TMEM132D: variants seen among roughly 807,000 people sequenced by gnomAD.
TMEM132D encodes the protein transmembrane protein 132D, also known as mature OL transmembrane protein.
TMEM132D carries 21 observed loss-of-function variants against 62.3 expected under a neutral mutation model. The ratio of observed to expected loss-of-function variants is 0.34; its 90% confidence interval spans 0.24 to 0.49. The LOEUF (loss-of-function observed/expected upper bound fraction) is 0.49. Ranked by LOEUF, TMEM132D falls within the 20% of genes least tolerant of loss-of-function variation. TMEM132D has a pLI of 0.99. For missense variants in TMEM132D, 1,346 were observed against 1,402.8 expected (o/e 0.96, Z 0.65); for synonymous variants, 621 against 575.6 (o/e 1.08, Z -1.13).
At chr12:129,460,409 C>T (rs1873624572) in intron 3 of TMEM132D, among the ~76,000 whole-genome samples, 1 of 152,136 alleles carries the variant, frequency 6.6e-6, no homozygotes, top group Admixed American at 6.5e-5. Flanking sequence ...GGAAGGGATT[C>T]CTGCATAGGA....
intron 2 of TMEM132D, among the ~76,000 whole-genome samples, chr12:129,573,388 T>G (rs1182439383): frequency 6.6e-6 from 1 of 152,200 alleles, no homozygotes; most frequent in Non-Finnish European, 1.5e-5. Context: ...ACAGCATTCA[T>G]CCGTGCTTAT....
intron 1 of TMEM132D, among the ~76,000 whole-genome samples, chr12:129,798,100 C>A (rs899173554): frequency 1.3e-5 from 2 of 152,208 alleles, no homozygotes; most frequent in Non-Finnish European, 2.9e-5. Context: ...ATGTGATGTA[C>A]TGGCTTCCCA....
At chr12:129,585,835 G>GTA (rs1358715199) in intron 2 of TMEM132D, among the ~76,000 whole-genome samples, 5 of 151,478 alleles carry the variant, frequency 3.3e-5, no homozygotes, top group Non-Finnish European at 7.4e-5. Context: ...GTGTGTGTGT[G>GTA]TGTGTCTGTG....
At chr12:129,444,684 A>G (rs1873042953) in intron 3 of TMEM132D, among the ~76,000 whole-genome samples, 1 of 152,094 alleles carries the variant, frequency 6.6e-6, no homozygotes, top group Non-Finnish European at 1.5e-5. Context: ...ATGAACAGAC[A>G]CTTTTCCAAA....
chr12:129,515,475 A>T (rs1326952995), intron 3 of TMEM132D, among the ~76,000 whole-genome samples: 1 of 152,140 alleles, frequency 6.6e-6, no homozygotes, highest in Non-Finnish European at 1.5e-5. Flanking sequence ...CTATTACTGA[A>T]TGTGGTCATG....
At chr12:129,727,608 G>T (rs1170315792) in intron 1 of TMEM132D, among the ~76,000 whole-genome samples, 1 of 152,148 alleles carries the variant, frequency 6.6e-6, no homozygotes, top group Non-Finnish European at 1.5e-5. Flanking sequence ...GGGCAAGAGG[G>T]AGAGCTGGAA....
At chr12:129,835,494 T>C (rs1872977109) in intron 1 of TMEM132D, among the ~76,000 whole-genome samples, 1 of 152,136 alleles carries the variant, frequency 6.6e-6, no homozygotes, top group Non-Finnish European at 1.5e-5. Flanking sequence ...TTTCACCATG[T>C]TGTCCAGGCT....
chr12:129,132,082 T>C (rs1565974035), intron 5 of TMEM132D, among the ~76,000 whole-genome samples: 2 of 152,210 alleles, frequency 1.3e-5, no homozygotes, highest in Admixed American at 6.5e-5. Context: ...CTCACTGTTT[T>C]TTTATTTGCA....
At chr12:129,173,420 G>C (rs768220584) in intron 5 of TMEM132D, among the ~76,000 whole-genome samples, 33 of 152,124 alleles carry the variant, frequency 2.2e-4, no homozygotes, top group Non-Finnish European at 4.9e-4. Flanking sequence ...CTAATGATAG[G>C]TTATTTCTCA....
At chr12:129,108,850 C>T (rs1875587544) in intron 5 of TMEM132D, among the ~76,000 whole-genome samples, 1 of 152,160 alleles carries the variant, frequency 6.6e-6, no homozygotes, top group Non-Finnish European at 1.5e-5. Context: ...ATACCCAATG[C>T]CTCGCTTCCG....
In TMEM132D at chr12:129,081,995, G is replaced by A. The variant is rs780219290; in HGVS notation, c.1687C>T (p.Arg563Trp). The change falls in exon 7 of 9, where the codon CGG becomes TGG. Residue 563 changes from arginine (R) to tryptophan (W), a missense_variant. Transcript: ENST00000422113. ...TGCAGGGTGCAGCCGCGGCCCCTCC[G>A]CTCATCATCCTCCTCCTCTTCACTG... ...GDSEEEEDDE[R>W]RGRGCTLQYQ... 4.3e-6 allele frequency: 7 copies of A among 1,612,252 alleles called. No homozygotes were observed. The highest frequency in any genetic ancestry group is 1.3e-5 in the African/African-American group (1 of 75,018).
intron 5 of TMEM132D, among the ~76,000 whole-genome samples, chr12:129,140,576 T>C (rs1032798919): frequency 1.3e-5 from 2 of 152,212 alleles, no homozygotes; most frequent in Non-Finnish European, 1.5e-5. Context: ...TGGTGGCTCC[T>C]GCCTGTAATC....
At chr12:129,409,807 A>G (rs1265368108) in intron 3 of TMEM132D, among the ~76,000 whole-genome samples, 26 of 152,170 alleles carry the variant, frequency 1.7e-4, no homozygotes, top group Admixed American at 1.7e-3. Flanking sequence ...GAGCGTAAAT[A>G]CCTCTGATCT....
intron 3 of TMEM132D, among the ~76,000 whole-genome samples, chr12:129,356,720 C>T (rs964038623): frequency 6.7e-5 from 10 of 150,260 alleles, no homozygotes; most frequent in Middle Eastern, 3.5e-3. Flanking sequence ...CAAAAATTAG[C>T]CAGGCATGGT....
chr12:129,609,440 T>C (rs543315480), intron 2 of TMEM132D, among the ~76,000 whole-genome samples: 34 of 152,200 alleles, frequency 2.2e-4, no homozygotes, highest in Non-Finnish European at 1.9e-4. Context: ...CGTGGCATGG[T>C]TGGCATCCCA....
chr12:129,093,154 A>G (rs1449183572), intron 5 of TMEM132D, among the ~76,000 whole-genome samples: 2 of 152,210 alleles, frequency 1.3e-5, no homozygotes, highest in Non-Finnish European at 2.9e-5. Flanking sequence ...CATGCCACAG[A>G]TGGGCTTCGG....
chr12:129,197,496 G>T (rs535117195), intron 5 of TMEM132D, among the ~76,000 whole-genome samples: 1 of 152,324 alleles, frequency 6.6e-6, no homozygotes, highest in East Asian at 1.9e-4. Flanking sequence ...ATCCATGCTT[G>T]TAAAGTCCAT....
intron 1 of TMEM132D, among the ~76,000 whole-genome samples, chr12:129,742,124 A>G (rs937159287): frequency 7.9e-5 from 12 of 152,226 alleles, no homozygotes; most frequent in Admixed American, 7.2e-4. Context: ...ATGGCTTCCA[A>G]TGAAACGAGT....
intron 3 of TMEM132D, among the ~76,000 whole-genome samples, chr12:129,342,988 C>G (rs1869546922): frequency 6.6e-6 from 1 of 152,166 alleles, no homozygotes; most frequent in South Asian, 2.1e-4. Flanking sequence ...GGACGGTAAA[C>G]TAGTTCAACC....
Sources: allele counts gnomAD v4.1 joint callset (sites outside exome capture counted in the v4.1 genomes callset), GRCh38; gene constraint gnomAD v4.1.1; transcripts MANE v1.5; gene names NCBI Gene and HGNC (gene_info 2026-07-23, HGNC 2026-07-21).